The following RBM8A variants were observed in gnomAD, a reference collection of about 807,000 sequenced individuals.
RBM8A encodes the protein RNA-binding protein 8A.
Under a neutral mutation model 25.1 loss-of-function variants are expected in RBM8A, and 8 were observed. The ratio of observed to expected loss-of-function variants is 0.32; its 90% confidence interval spans 0.19 to 0.58. The LOEUF is 0.58. RBM8A is among the 20% of genes least tolerant of loss of function. The probability of loss-of-function intolerance (pLI) is 0.88; values close to 1 mark genes in which losing one functional copy is unlikely to be tolerated. For synonymous variants in RBM8A, 66 were observed against 80.0 expected (o/e 0.82, Z 0.94); for missense variants, 114 against 236.8 (o/e 0.48, Z 3.40).
chr1:145,926,703 A>C, intron 3 of RBM8A, 85 bp from the exon 4 acceptor site: 1 of 1,612,658 alleles, frequency 6.2e-7, no homozygotes, highest in Non-Finnish European at 8.5e-7. Flanking sequence ...GCGGACTCAG[A>C]TTGTTTAAGC....
At position 145,922,548 on chromosome 1, in the gene RBM8A, T is replaced by C. The variant is rs1647852764; in HGVS notation, c.*3334A>G. 1 of 152,220 alleles carries C rather than the reference T, an allele frequency of 6.6e-6. No homozygotes were observed. The highest frequency in any genetic ancestry group is 2.1e-4 in the South Asian group (1 of 4,832). 9.4% of individuals were successfully genotyped at this position (152,220 alleles called of 1,614,324 possible). A position where few individuals can be genotyped will look rare whatever the true frequency, so the allele number is the denominator to read the frequency against. ...TTCTTACAGCCTGACAATCTGACAA[T>C]ATTTGCAACCTCTATTTGTTTCAAT... On this transcript the variant is annotated 3_prime_UTR_variant, in exon 6 of 6. Coordinates refer to ENST00000583313, the MANE Select transcript of RBM8A (RefSeq NM_005105.5).
At chr1:145,927,258 C>T in intron 1 of RBM8A, 102 bp downstream of exon 1, 1 of 1,484,116 alleles carries the variant, frequency 6.7e-7, no homozygotes, top group East Asian at 2.4e-5. Flanking sequence ...CCCGGTTCCT[C>T]GATTCCCATC....
At chr1:145,926,413 AAC>A (rs1648160038) in intron 4 of RBM8A, 67 bp downstream of exon 4, 2 of 1,573,848 alleles carry the variant, frequency 1.3e-6, no homozygotes, top group African/African-American at 2.7e-5. Context: ...AACCACAGCA[AAC>A]ACAGAACTAC....
In RBM8A at chr1:145,926,276, C is replaced by T. The variant is rs1186522159; in HGVS notation, c.343-99G>A. ...ATCTAAACTCAGAAAAATCTACACA[C>T]TTTAAACAATGAATGTACATCATAT... On this transcript the variant is annotated intron_variant, in intron 4 of 5. Coordinates refer to ENST00000583313, the MANE Select transcript of RBM8A (RefSeq NM_005105.5). 6 of 1,521,410 alleles carry T rather than the reference C, an allele frequency of 3.9e-6. No individual in the cohort carries two copies. In the African/African-American group the frequency reaches 5.5e-5, roughly 14 times the overall value. 94.2% of individuals were successfully genotyped at this position (1,521,410 alleles called of 1,614,324 possible).
intron 2 of RBM8A, 43 bp downstream of exon 2, chr1:145,926,975 C>T (rs1484370262): frequency 6.2e-7 from 1 of 1,614,024 alleles, no homozygotes; most frequent in Non-Finnish European, 8.5e-7. Context: ...ACCCGTAGCT[C>T]CTGCCCTACT....
Position 145,923,884 on chromosome 1 carries a change from A to C in RBM8A, c.*1998T>G, listed in dbSNP as rs1647944489. On this transcript the variant is annotated 3_prime_UTR_variant, in exon 6 of 6. Coordinates refer to ENST00000583313, the MANE Select transcript of RBM8A (RefSeq NM_005105.5). ...GAAATATCATCCCTTATAAAGCGCAATGTTAGAATAGTACTTGAGAAAGCA... is the reference window on the plus strand; with the variant it reads ...GAAATATCATCCCTTATAAAGCGCACTGTTAGAATAGTACTTGAGAAAGCA... The C allele has an allele frequency of 3.5e-6, 2 of 565,416 alleles. No homozygotes were observed. The highest frequency in any genetic ancestry group is 6.3e-6 in the Non-Finnish European group (2 of 316,306). 35.0% of individuals were successfully genotyped at this position (565,416 alleles called of 1,614,324 possible).
At position 145,924,175 on chromosome 1, in the gene RBM8A, C is replaced by G; in HGVS notation, c.*1707G>C. 2 of 701,126 alleles carry G rather than the reference C, an allele frequency of 2.9e-6. No individual in the cohort carries two copies. The highest frequency in any genetic ancestry group is 4.1e-5 in the Admixed American group (2 of 49,360). 43.4% of individuals were successfully genotyped at this position (701,126 alleles called of 1,614,324 possible). On this transcript the variant is annotated 3_prime_UTR_variant, in exon 6 of 6. Transcript: ENST00000583313. Reference sequence around the variant, plus strand: ...TCCAGCTGTTCCTGTTCCACACGGTCCACTGAGCTGGCCCAGTCCCTTTCA... The same window carrying G: ...TCCAGCTGTTCCTGTTCCACACGGTGCACTGAGCTGGCCCAGTCCCTTTCA...
In RBM8A at chr1:145,922,818, T is replaced by C. The variant is rs1173706871; in HGVS notation, c.*3064A>G. 6.6e-6 allele frequency: 1 copy of C among 152,170 alleles called. No individual in the cohort carries two copies. Among genetic ancestry groups the C allele is most frequent in the Non-Finnish European group, 1.5e-5 (1 of 68,026 alleles). 9.4% of individuals were successfully genotyped at this position (152,170 alleles called of 1,614,324 possible). ...AGGCTTGTTTCCAAGTTATCAGCAG[T>C]TGAAAGGGATGTTTCTACAGTACGT... is the stretch of plus-strand genomic sequence containing the variant. On this transcript the variant is annotated 3_prime_UTR_variant, in exon 6 of 6. Coordinates refer to ENST00000583313, the MANE Select transcript of RBM8A (RefSeq NM_005105.5).
In RBM8A at chr1:145,925,646, G is replaced by C; in HGVS notation, c.*236C>G. ...AATACATAGAGTTCAGTCCCTAGAA[G>C]TATCTTCACAATGATCCATACAGCC... On this transcript the variant is annotated 3_prime_UTR_variant, in exon 6 of 6. Transcript: ENST00000583313. 1.8e-6 allele frequency: 1 copy of C among 547,538 alleles called. No homozygotes were observed. Among genetic ancestry groups the C allele is most frequent in the Non-Finnish European group, 3.3e-6 (1 of 305,980 alleles). The allele number at this position is 547,538 out of a possible 1,614,324, so 33.9% of individuals were successfully genotyped here. A position where few individuals can be genotyped will look rare whatever the true frequency, so the allele number is the denominator to read the frequency against.
rs1400666645 is a variant in RBM8A, at chr1:145,922,009, A to C, written c.*3873T>G. ...AAGGCCAAGGTGGGTGGATCACTTG[A>C]GGTCAGGAGTTTAAGACCAACCTGG... On this transcript the variant is annotated 3_prime_UTR_variant, in exon 6 of 6. Transcript: ENST00000583313. 1 of 152,254 alleles carries C rather than the reference A, an allele frequency of 6.6e-6. No homozygotes were observed. The highest frequency in any genetic ancestry group is 1.5e-5 in the Non-Finnish European group (1 of 68,072). The allele number at this position is 152,254 out of a possible 1,614,324, so 9.4% of individuals were successfully genotyped here. A position where few individuals can be genotyped will look rare whatever the true frequency, so the allele number is the denominator to read the frequency against.
Position 145,927,412 on chromosome 1 carries a change from T to C in RBM8A, c.15A>G (p.Leu5=). 1.2e-6 allele frequency: 2 copies of C among 1,611,454 alleles called. No homozygotes were observed. The highest frequency in any genetic ancestry group is 1.7e-6 in the Non-Finnish European group (2 of 1,179,004). ...CTTCGCCCCCAGCCTCGTGAAGATC[T>C]AGCACGTCCGCCATCTCGCCTTCGA... MADV[L]DLHEAGGEDF... is the part of the protein sequence containing the mutation. Residue 5 remains leucine, a synonymous_variant, in exon 1 of 6, where the codon CTA becomes CTG. Transcript: ENST00000583313.
At position 145,923,743 on chromosome 1, in the gene RBM8A, C is replaced by T; in HGVS notation, c.*2139G>A. The T allele has an allele frequency of 2.0e-6, 1 of 506,352 alleles. No homozygotes were observed. Among genetic ancestry groups the T allele is most frequent in the African/African-American group, 1.9e-5 (1 of 53,092 alleles). 31.4% of individuals were successfully genotyped at this position (506,352 alleles called of 1,614,324 possible). On this transcript the variant is annotated 3_prime_UTR_variant, in exon 6 of 6. Coordinates refer to ENST00000583313, the MANE Select transcript of RBM8A (RefSeq NM_005105.5). The stretch of plus-strand genomic sequence containing the variant: ...TTACTACTAAAGGTCACTTCAGAGT[C>T]CCTGCAAAATGGCCTGGAATTTTGG...
chr1:145,926,996 A>AC lies in RBM8A; in HGVS notation c.127+21dup, dbSNP rs782341164. On this transcript the variant is annotated intron_variant, in intron 2 of 5. Transcript: ENST00000583313. Reference sequence around the variant, plus strand: ...AGCTCCTGCCCTACTAGGCCACTCTACCCCATTTTCCCCACACTCACCGGA... The same window carrying AC: ...AGCTCCTGCCCTACTAGGCCACTCTACCCCCATTTTCCCCACACTCACCGGA... 8 of 1,613,282 alleles carry AC rather than the reference A, an allele frequency of 5.0e-6. No individual in the cohort carries two copies. The highest frequency in any genetic ancestry group is 6.8e-6 in the Non-Finnish European group (8 of 1,179,842).
At position 145,923,813 on chromosome 1, in the gene RBM8A, A is replaced by G. The variant is rs1383411536; in HGVS notation, c.*2069T>C. ...TATTTCTTTTTCCACAAAATAACAG[A>G]CATACCAGGAAAATCATTTCAGCTA... On this transcript the variant is annotated 3_prime_UTR_variant, in exon 6 of 6. Transcript: ENST00000583313. The G allele has an allele frequency of 5.5e-6, 3 of 541,664 alleles. No homozygotes were observed. The highest frequency in any genetic ancestry group is 9.8e-6 in the Non-Finnish European group (3 of 305,676). The allele number at this position is 541,664 out of a possible 1,614,324, so 33.6% of individuals were successfully genotyped here.
chr1:145,924,324 T>C lies in RBM8A; in HGVS notation c.*1558A>G. 2.0e-6 allele frequency: 1 copy of C among 511,156 alleles called. No individual in the cohort carries two copies. The highest frequency in any genetic ancestry group is 3.9e-6 in the Non-Finnish European group (1 of 254,138). 31.7% of individuals were successfully genotyped at this position (511,156 alleles called of 1,614,324 possible). ...ATGGCCATCTGCTATAGCCGCATTG[T>C]CCTCAGTGTGTCCAGGCCCCAGACA... is the stretch of plus-strand genomic sequence containing the variant. On this transcript the variant is annotated 3_prime_UTR_variant, in exon 6 of 6. Coordinates refer to ENST00000583313, the MANE Select transcript of RBM8A (RefSeq NM_005105.5).
chr1:145,922,124 T>G lies in RBM8A; in HGVS notation c.*3758A>C, dbSNP rs922702196. 2 of 146,790 alleles carry G rather than the reference T, an allele frequency of 1.4e-5. No homozygotes were observed. The highest frequency in any genetic ancestry group is 1.4e-4 in the Admixed American group (2 of 14,104). The allele number at this position is 146,790 out of a possible 1,614,324, so 9.1% of individuals were successfully genotyped here. On this transcript the variant is annotated 3_prime_UTR_variant, in exon 6 of 6. Transcript: ENST00000583313. ...CTGTAATCCCAACTACTCAGGAGGC[T>G]GAGGCACGAGAATTGCTTGAACCTG...
At position 145,922,612 on chromosome 1, in the gene RBM8A, ATT is replaced by A. The variant is rs1218719179; in HGVS notation, c.*3268_*3269del. ...TGACATGATACATGTGCGAAAGGTG[ATT>A]TTTTTTGTTCCAAATTAGTATCCTT... On this transcript the variant is annotated 3_prime_UTR_variant, in exon 6 of 6. Transcript: ENST00000583313. 6.6e-6 allele frequency: 1 copy of A among 152,006 alleles called. No individual in the cohort carries two copies. Among genetic ancestry groups the A allele is most frequent in the Non-Finnish European group, 1.5e-5 (1 of 67,990 alleles). The allele number at this position is 152,006 out of a possible 1,614,324, so 9.4% of individuals were successfully genotyped here.
At chr1:145,925,962 G>A (rs1553755786) in intron 5 of RBM8A, 35 bp from the exon 6 acceptor site, 1 of 1,614,152 alleles carries the variant, frequency 6.2e-7, no homozygotes, top group South Asian at 1.1e-5. Flanking sequence ...GAGTCCATTA[G>A]AGGGACATAA....
Position 145,922,669 on chromosome 1 carries a change from G to GTT in RBM8A, c.*3212_*3213insAA, listed in dbSNP as rs1293508099. ...GTAAATTCTGTATTGCCCATATGCT[G>GTT]TAATTGTAGTTAAAATATTAGTGTT... is the stretch of plus-strand genomic sequence containing the variant. On this transcript the variant is annotated 3_prime_UTR_variant, in exon 6 of 6. Coordinates refer to ENST00000583313, the MANE Select transcript of RBM8A (RefSeq NM_005105.5). 6.6e-6 allele frequency: 1 copy of GTT among 152,098 alleles called. No individual in the cohort carries two copies. Among genetic ancestry groups the GTT allele is most frequent in the Non-Finnish European group, 1.5e-5 (1 of 68,026 alleles). The allele number at this position is 152,098 out of a possible 1,614,324, so 9.4% of individuals were successfully genotyped here.
Sources: allele counts gnomAD v4.1 joint callset, GRCh38; gene constraint gnomAD v4.1.1; transcripts MANE v1.5; gene names NCBI Gene and HGNC (gene_info 2026-07-23, HGNC 2026-07-21).